Variants in SMC6 observed in about 807,000 individuals in gnomAD.
The protein encoded by SMC6 is structural maintenance of chromosomes protein 6.
In SMC6, 79 loss-of-function variants were observed where a neutral mutation model predicts 142.2. That is an observed-to-expected ratio of 0.56 (90% confidence interval 0.46 to 0.67). The LOEUF is 0.67. SMC6 is among the 30% of genes least tolerant of loss of function. The pLI is 0.00. For missense variants in SMC6, 1,072 were observed against 1,284.0 expected, an observed-to-expected ratio of 0.83 and a Z score of 2.52; for synonymous variants, 411 against 412.4, an observed-to-expected ratio of 1.00 and a Z score of 0.04.
intron 25 of SMC6, among the ~76,000 whole-genome samples, chr2:17,677,742 TAA>T (rs1474381120): frequency 2.6e-5 from 4 of 152,176 alleles, no homozygotes; most frequent in Non-Finnish European, 4.4e-5. Flanking sequence ...GTATCTTTAA[TAA>T]ATGGGTCTTT....
rs1318781870 is a variant in SMC6, at chr2:17,741,605, C to T, written c.238+7G>A. The T allele has an allele frequency of 6.3e-7, 1 of 1,575,328 alleles. No individual in the cohort carries two copies. The highest frequency in any genetic ancestry group is 1.8e-5 in the Admixed American group (1 of 56,878). ...CAAAGTCAAACGAGAAGGGAAAAAACACTTACTTCCATTGTTGCCAACAAC... is the reference window on the plus strand; with the variant it reads ...CAAAGTCAAACGAGAAGGGAAAAAATACTTACTTCCATTGTTGCCAACAAC... On this transcript the variant is annotated splice_region_variant and intron_variant, in intron 4 of 27. Transcript: ENST00000448223.
chr2:17,678,034 C>T (rs1006393641), intron 25 of SMC6, among the ~76,000 whole-genome samples: 14 of 152,022 alleles, frequency 9.2e-5, no homozygotes, highest in Non-Finnish European at 2.1e-4. Flanking sequence ...GCCATATCTC[C>T]ATATGCCCTC....
At chr2:17,719,806 A>G (rs959045425) in intron 11 of SMC6, among the ~76,000 whole-genome samples, 6 of 152,146 alleles carry the variant, frequency 3.9e-5, no homozygotes, top group African/African-American at 9.7e-5. Flanking sequence ...ATCTTTACCT[A>G]TTTTTACATA....
At chr2:17,749,017 A>ATT (rs1670889221) in intron 2 of SMC6, among the ~76,000 whole-genome samples, 1 of 152,258 alleles carries the variant, frequency 6.6e-6, no homozygotes, top group South Asian at 2.1e-4. Context: ...TTGCCACGGT[A>ATT]ACTTGCATCT....
intron 23 of SMC6, among the ~76,000 whole-genome samples, chr2:17,693,960 A>G (rs531621829): frequency 6.9e-6 from 1 of 144,324 alleles, no homozygotes; most frequent in Admixed American, 7.4e-5. Flanking sequence ...AGATCACGCC[A>G]TTGCACTCCA....
intron 11 of SMC6, among the ~76,000 whole-genome samples, chr2:17,718,973 G>A (rs1375837703): frequency 6.6e-6 from 1 of 152,164 alleles, no homozygotes; most frequent in Non-Finnish European, 1.5e-5. Flanking sequence ...TCAGTAAGAA[G>A]TTAATATATT....
chr2:17,696,926 G>T (rs1231162692), intron 21 of SMC6, among the ~76,000 whole-genome samples: 1 of 152,026 alleles, frequency 6.6e-6, no homozygotes, highest in Non-Finnish European at 1.5e-5. Flanking sequence ...ATAAGGTAAA[G>T]ATGCATACTA....
chr2:17,736,911 T>A (rs748212421), intron 5 of SMC6, among the ~76,000 whole-genome samples: 3 of 151,740 alleles, frequency 2.0e-5, no homozygotes, highest in Non-Finnish European at 4.4e-5. Flanking sequence ...GACTAGTAAA[T>A]AATAATAATT....
At chr2:17,713,081 C>T (rs73921053) in intron 16 of SMC6, among the ~76,000 whole-genome samples, 21,339 of 152,212 alleles carry the variant, frequency 0.14, 1,798 homozygotes, top group African/African-American at 0.24. Flanking sequence ...AACACTTTCT[C>T]GTAGGCCTCT....
intron 11 of SMC6, among the ~76,000 whole-genome samples, chr2:17,719,552 G>A (rs1480205577): frequency 2.0e-5 from 3 of 152,188 alleles, no homozygotes; most frequent in African/African-American, 7.2e-5. Context: ...TAAAAAAGAG[G>A]TGAGCATCTA....
intron 5 of SMC6, among the ~76,000 whole-genome samples, chr2:17,735,322 G>T (rs1335379006): frequency 1.3e-5 from 2 of 152,094 alleles, no homozygotes; most frequent in Non-Finnish European, 2.9e-5. Flanking sequence ...GTAAGAATTT[G>T]GCTTCTTTCT....
At chr2:17,724,608 G>C (rs1669526671) in intron 9 of SMC6, among the ~76,000 whole-genome samples, 1 of 152,216 alleles carries the variant, frequency 6.6e-6, no homozygotes, top group African/African-American at 2.4e-5. Flanking sequence ...CACACAGAAA[G>C]TTGGATCTTC....
chr2:17,689,717 G>A (rs1244239977), intron 23 of SMC6, among the ~76,000 whole-genome samples: 1 of 152,162 alleles, frequency 6.6e-6, no homozygotes, highest in East Asian at 1.9e-4. Context: ...AAATGTCATA[G>A]TATTTGCATA....
intron 18 of SMC6, among the ~76,000 whole-genome samples, chr2:17,706,195 T>C (rs1046950717): frequency 3.3e-5 from 5 of 152,176 alleles, no homozygotes; most frequent in African/African-American, 1.2e-4. Context: ...TAAAATGTTA[T>C]AGCATTTTAA....
At position 17,725,250 on chromosome 2, in the gene SMC6, T is replaced by A; in HGVS notation, c.726+7A>T. 6.3e-7 allele frequency: 1 copy of A among 1,594,020 alleles called. No homozygotes were observed. Among genetic ancestry groups the A allele is most frequent in the South Asian group, 1.1e-5 (1 of 87,666 alleles). ...CTCAAAAAGATTTACATTAACTGTT[T>A]ACAAACCTCTTCTCCTTGATGTATC... is the stretch of plus-strand genomic sequence containing the variant. On this transcript the variant is annotated splice_region_variant and intron_variant, in intron 9 of 27. Coordinates refer to ENST00000448223, the MANE Select transcript of SMC6 (RefSeq NM_001142286.2).
intron 23 of SMC6, among the ~76,000 whole-genome samples, chr2:17,694,000 CAA>C (rs751816590): frequency 5.8e-5 from 2 of 34,514 alleles, no homozygotes; most frequent in African/African-American, 1.1e-4. Context: ...AACTCCATCT[CAA>C]AAAAAAAAAA....
At chr2:17,703,379 T>C (rs1572293085) in intron 18 of SMC6, 87 bp from the exon 19 acceptor site, 5 of 1,254,678 alleles carry the variant, frequency 4.0e-6, no homozygotes, top group East Asian at 5.1e-5. Context: ...GAAAGCCTTA[T>C]TTATAGTAAG....
intron 23 of SMC6, among the ~76,000 whole-genome samples, chr2:17,692,062 A>G (rs1173645587): frequency 6.6e-6 from 1 of 152,218 alleles, no homozygotes; most frequent in Non-Finnish European, 1.5e-5. Flanking sequence ...AAGAGGATAC[A>G]AACAAATAGA....
intron 23 of SMC6, among the ~76,000 whole-genome samples, chr2:17,685,011 C>T (rs183107584): frequency 6.6e-6 from 1 of 151,512 alleles, no homozygotes; most frequent in Admixed American, 6.6e-5. Flanking sequence ...AGAACCTCCT[C>T]CTAAAAAGAA....
Sources: gnomAD v4.1 joint callset for allele counts (sites outside exome capture counted in the v4.1 genomes callset) on GRCh38, gnomAD v4.1.1 for gene constraint, MANE v1.5 for transcripts, NCBI Gene and HGNC (gene_info 2026-07-23, HGNC 2026-07-21) for gene names.